Variants in PLEKHM3 observed in about 807,000 individuals in gnomAD.
The protein encoded by PLEKHM3 is pleckstrin homology domain-containing family M member 3.
In PLEKHM3, 45 loss-of-function variants were observed where a neutral mutation model predicts 81.8. The ratio of observed to expected loss-of-function variants is 0.55; its 90% CI spans 0.43 to 0.71. The LOEUF (loss-of-function observed/expected upper bound fraction) is 0.71. PLEKHM3 is among the 30% of genes least tolerant of loss of function. The pLI is 0.00. For missense variants in PLEKHM3, 788 were observed against 924.3 expected (o/e 0.85, Z 1.91); for synonymous variants, 352 against 356.4 (o/e 0.99, Z 0.14).
intron 2 of PLEKHM3, among the ~76,000 whole-genome samples, chr2:207,979,481 C>G (rs1047084660): frequency 2.6e-5 from 4 of 151,186 alleles, no homozygotes; most frequent in Admixed American, 1.3e-4. Context: ...TTGCAGTGAG[C>G]TGAGATCATG....
At chr2:208,009,484 G>A (rs10497891) in intron 1 of PLEKHM3, among the ~76,000 whole-genome samples, 108,556 of 152,040 alleles carry the variant, frequency 0.71, 39,108 homozygotes, top group Non-Finnish European at 0.73. Flanking sequence ...AATAATTACA[G>A]GTTATCAAAA....
At chr2:207,851,398 G>T (rs955847977) in intron 7 of PLEKHM3, 1 of 152,060 alleles carries the variant, frequency 6.6e-6, no homozygotes, top group African/African-American at 2.4e-5. Flanking sequence ...TGCAATCTGG[G>T]CTTTACGGTT....
intron 1 of PLEKHM3, among the ~76,000 whole-genome samples, chr2:208,003,945 A>C (rs1692401865): frequency 6.6e-6 from 1 of 152,248 alleles, no homozygotes; most frequent in Non-Finnish European, 1.5e-5. Context: ...TTAAGTTGTT[A>C]ATTGAAGATT....
At chr2:207,934,998 G>A (rs1689702356) in intron 4 of PLEKHM3, among the ~76,000 whole-genome samples, 1 of 152,182 alleles carries the variant, frequency 6.6e-6, no homozygotes, top group African/African-American at 2.4e-5. Context: ...ATTTGGAGAC[G>A]ACATGGTATT....
intron 6 of PLEKHM3, among the ~76,000 whole-genome samples, chr2:207,898,476 A>C (rs898985599): frequency 1.3e-5 from 2 of 152,192 alleles, no homozygotes; most frequent in African/African-American, 4.8e-5. Context: ...GAAATGGACC[A>C]GGCGTGCTGG....
chr2:207,831,732 GC>G (rs2092289682), intron 7 of PLEKHM3, among the ~76,000 whole-genome samples: 1 of 152,060 alleles, frequency 6.6e-6, no homozygotes, highest in African/African-American at 2.4e-5. Context: ...CCTCTTCCCA[GC>G]CCCCTCCTCC....
intron 5 of PLEKHM3, among the ~76,000 whole-genome samples, chr2:207,921,401 T>C (rs993347786): frequency 2.0e-5 from 3 of 152,154 alleles, no homozygotes; most frequent in African/African-American, 7.2e-5. Flanking sequence ...TATAATGATA[T>C]GTATTGATAG....
chr2:207,955,716 A>G (rs1010651083), intron 3 of PLEKHM3, among the ~76,000 whole-genome samples: 1 of 152,234 alleles, frequency 6.6e-6, no homozygotes, highest in Non-Finnish European at 1.5e-5. Context: ...ATTTTCAGGT[A>G]GTTATCTCCT....
intron 3 of PLEKHM3, among the ~76,000 whole-genome samples, chr2:207,954,834 A>G (rs1480277951): frequency 6.6e-6 from 1 of 152,252 alleles, no homozygotes; most frequent in African/African-American, 2.4e-5. Flanking sequence ...TAAACTTGCT[A>G]AACTCTACAA....
At chr2:207,979,300 C>T (rs554071176) in intron 2 of PLEKHM3, among the ~76,000 whole-genome samples, 7 of 152,102 alleles carry the variant, frequency 4.6e-5, no homozygotes, top group East Asian at 3.9e-4. Context: ...TTTGGGAAGC[C>T]GAGGAGGGTG....
rs142179805 is a variant in PLEKHM3, at chr2:207,990,571, G to A, written c.610+10459C>T. Among the ~76,000 whole-genome samples the A allele has an allele frequency of 1.3e-3, 195 of 152,268 alleles. 1 individual carries two copies. The highest frequency in any genetic ancestry group is 4.5e-3 in the African/African-American group (185 of 41,554). ...AAAAATGAACTAATTTTAGGTCTTTGTTCTCCTCATTACAGGCACATCGGG... is the reference window on the plus strand; with the variant it reads ...AAAAATGAACTAATTTTAGGTCTTTATTCTCCTCATTACAGGCACATCGGG... On this transcript the variant is annotated intron_variant, in intron 2 of 7. Transcript: ENST00000427836.
chr2:207,974,960 A>G (rs1281701577), intron 3 of PLEKHM3, among the ~76,000 whole-genome samples: 2 of 151,428 alleles, frequency 1.3e-5, no homozygotes, highest in African/African-American at 2.4e-5. Flanking sequence ...CCTCCCGAGT[A>G]GCTGGGATTA....
chr2:207,872,825 T>TCAAA (rs113370682), intron 6 of PLEKHM3, among the ~76,000 whole-genome samples: 230 of 152,148 alleles, frequency 1.5e-3, no homozygotes, highest in East Asian at 2.1e-3. Context: ...AGACTCCGTC[T>TCAAA]CAAACAAACA....
chr2:208,010,549 GGAA>G (rs2106111382), intron 1 of PLEKHM3, among the ~76,000 whole-genome samples: 1 of 152,098 alleles, frequency 6.6e-6, no homozygotes, highest in African/African-American at 2.4e-5. Flanking sequence ...GGGACTGAGA[GGAA>G]GAAGGCAAAA....
chr2:207,878,303 A>AT (rs146274295), intron 6 of PLEKHM3, among the ~76,000 whole-genome samples: 42,411 of 151,590 alleles, frequency 0.28, 6,004 homozygotes, highest in Non-Finnish European at 0.31. Context: ...CACAGTGAGC[A>AT]TTAAAAAAAA....
chr2:207,923,029 G>T (rs1689239047), intron 5 of PLEKHM3, among the ~76,000 whole-genome samples: 1 of 152,160 alleles, frequency 6.6e-6, no homozygotes, highest in Non-Finnish European at 1.5e-5. Context: ...TTTTGGCTGG[G>T]CTGGGGTGGC....
Position 208,001,924 on chromosome 2 carries a change from T to C in PLEKHM3, c.-285A>G. 2.5e-6 allele frequency: 1 copy of C among 397,984 alleles called. No homozygotes were observed. The allele number at this position is 397,984 out of a possible 1,614,324, so 24.7% of individuals were successfully genotyped here. A position where few individuals can be genotyped will look rare whatever the true frequency, so the allele number is the denominator to read the frequency against. ...CCTCTGTGAAGACAACAGCAAGTAC[T>C]TGTCAAAGCAATGCCACGCCAATCC... On this transcript the variant is annotated 5_prime_UTR_variant, in exon 2 of 8. Coordinates refer to ENST00000427836, the MANE Select transcript of PLEKHM3 (RefSeq NM_001080475.3).
In PLEKHM3 at chr2:207,823,081, G is replaced by A. The variant is rs1367267909; in HGVS notation, c.*5238C>T. On this transcript the variant is annotated 3_prime_UTR_variant, in exon 8 of 8. Transcript: ENST00000427836. ...TAGGTGCCTGAATCTTCTACTCTGG[G>A]CAACAACCAGCTTCATTCAAAGTCT... 1 of 152,052 alleles carries A rather than the reference G, an allele frequency of 6.6e-6. No homozygotes were observed. The highest frequency in any genetic ancestry group is 1.5e-5 in the Non-Finnish European group (1 of 68,022). The allele number at this position is 152,052 out of a possible 1,614,324, so 9.4% of individuals were successfully genotyped here.
rs10605219 is a variant in PLEKHM3, at chr2:207,851,740, CAAAA to C, written c.2108+9361_2108+9364del. ...GGCCAACAAGAGTGAAACTCCATCT[CAAAA>C]AAAAAAAAAAAAAAAAAAAAGGTGT... is the stretch of plus-strand genomic sequence containing the variant. On this transcript the variant is annotated intron_variant, in intron 7 of 7. Transcript: ENST00000427836. 292 of 64,312 alleles carry C rather than the reference CAAAA, an allele frequency of 4.5e-3. 1 individual carries two copies. The highest frequency in any genetic ancestry group is 0.017 in the African/African-American group (274 of 16,132). The allele number at this position is 64,312 out of a possible 1,614,324, so 4.0% of individuals were successfully genotyped here. A position where few individuals can be genotyped will look rare whatever the true frequency, so the allele number is the denominator to read the frequency against.
Sources: allele counts gnomAD v4.1 joint callset (sites outside exome capture counted in the v4.1 genomes callset), GRCh38; gene constraint gnomAD v4.1.1; transcripts MANE v1.5; gene names NCBI Gene and HGNC (gene_info 2026-07-23, HGNC 2026-07-21).